Variants in FSTL5 observed in about 807,000 individuals in gnomAD.
The protein encoded by FSTL5 is follistatin-related protein 5.
A neutral mutation model predicts 89.1 loss-of-function variants in FSTL5; 62 were observed. That is an observed-to-expected ratio of 0.70 (90% CI 0.57 to 0.86). The LOEUF (loss-of-function observed/expected upper bound fraction) is 0.86. Among genes scored for constraint, FSTL5 ranks in the 40% least tolerant of loss-of-function variants. FSTL5 has a pLI of 0.00. For missense variants in FSTL5, 1,057 were observed against 1,001.6 expected (o/e 1.06, Z -0.75); for synonymous variants, 383 against 346.2 (o/e 1.11, Z -1.18).
chr4:161,524,616 T>C (rs977764596), intron 10 of FSTL5, among the ~76,000 whole-genome samples: 8 of 152,176 alleles, frequency 5.3e-5, no homozygotes, highest in Non-Finnish European at 1.5e-5. Flanking sequence ...GTATTGTAAA[T>C]ATTTTTTATG....
At chr4:161,688,860 T>C (rs1193043745) in intron 6 of FSTL5, among the ~76,000 whole-genome samples, 4 of 152,182 alleles carry the variant, frequency 2.6e-5, no homozygotes, top group African/African-American at 9.6e-5. Context: ...TCCTTTTTAA[T>C]TGGAATTTTA....
At chr4:161,415,295 G>A (rs532224744) in intron 15 of FSTL5, among the ~76,000 whole-genome samples, 3 of 151,866 alleles carry the variant, frequency 2.0e-5, no homozygotes, top group Non-Finnish European at 4.4e-5. Flanking sequence ...TCACTCTGTC[G>A]CCCAGGCTGG....
chr4:162,043,009 G>A (rs1249822241), intron 2 of FSTL5, among the ~76,000 whole-genome samples: 1 of 151,314 alleles, frequency 6.6e-6, no homozygotes, highest in East Asian at 2.0e-4. Flanking sequence ...TGACGAGTTA[G>A]TGGGTGCAGC....
At chr4:162,065,423 A>G (rs1242553125) in intron 2 of FSTL5, among the ~76,000 whole-genome samples, 1 of 152,066 alleles carries the variant, frequency 6.6e-6, no homozygotes, top group Non-Finnish European at 1.5e-5. Context: ...TCCAATAAAA[A>G]CATACAAATA....
At chr4:161,599,356 T>C (rs931491012) in intron 7 of FSTL5, among the ~76,000 whole-genome samples, 5 of 152,152 alleles carry the variant, frequency 3.3e-5, no homozygotes, top group African/African-American at 1.2e-4. Context: ...AAATTGTAAA[T>C]TGGCAAAACC....
At chr4:161,726,764 C>A (rs1055623212) in intron 6 of FSTL5, among the ~76,000 whole-genome samples, 10 of 151,956 alleles carry the variant, frequency 6.6e-5, no homozygotes, top group Non-Finnish European at 1.5e-4. Context: ...AACAACTTTA[C>A]TAACTATATA....
chr4:161,487,649 G>A (rs1729725115), intron 12 of FSTL5, among the ~76,000 whole-genome samples: 1 of 151,936 alleles, frequency 6.6e-6, no homozygotes, highest in Admixed American at 6.6e-5. Context: ...AGTTTAGGAA[G>A]CACTGATTTC....
chr4:161,664,093 C>T (rs1736806238), intron 6 of FSTL5, among the ~76,000 whole-genome samples: 1 of 152,200 alleles, frequency 6.6e-6, no homozygotes, highest in Non-Finnish European at 1.5e-5. Flanking sequence ...ACCACCTGTT[C>T]CTCCTGGGCC....
intron 8 of FSTL5, among the ~76,000 whole-genome samples, chr4:161,575,117 CA>C (rs1733164257): frequency 6.6e-6 from 1 of 152,046 alleles, no homozygotes; most frequent in African/African-American, 2.4e-5. Context: ...AAATTTTTTT[CA>C]AAGGTTTTTT....
intron 4 of FSTL5, among the ~76,000 whole-genome samples, chr4:161,809,727 C>T (rs1730081869): frequency 1.3e-5 from 2 of 152,200 alleles, no homozygotes; most frequent in Admixed American, 1.3e-4. Context: ...AATATCCATT[C>T]ACAAAAGAAT....
At chr4:161,996,517 C>T (rs547119475) in intron 3 of FSTL5, among the ~76,000 whole-genome samples, 66 of 152,318 alleles carry the variant, frequency 4.3e-4, no homozygotes, top group African/African-American at 1.6e-3. Flanking sequence ...TCACAAGTTC[C>T]CCTTGCCCGT....
intron 3 of FSTL5, chr4:162,022,771 T>C (rs1167450364): frequency 6.6e-6 from 1 of 152,068 alleles, no homozygotes; most frequent in East Asian, 1.9e-4. Flanking sequence ...AGGCACAAGA[T>C]TAAGAGGTGG....
intron 4 of FSTL5, among the ~76,000 whole-genome samples, chr4:161,795,725 A>G (rs1318080997): frequency 2.0e-5 from 3 of 151,928 alleles, no homozygotes; most frequent in African/African-American, 4.8e-5. Context: ...TTCTTTCTCC[A>G]TTGTGTTGTG....
intron 13 of FSTL5, among the ~76,000 whole-genome samples, chr4:161,478,707 G>A (rs886788674): frequency 2.6e-5 from 4 of 151,928 alleles, no homozygotes; most frequent in Admixed American, 1.3e-4. Flanking sequence ...ACAGAGGCAT[G>A]TGTATATTTA....
At chr4:161,560,312 A>G (rs1039074297) in intron 8 of FSTL5, among the ~76,000 whole-genome samples, 1 of 151,938 alleles carries the variant, frequency 6.6e-6, no homozygotes, top group African/African-American at 2.4e-5. Flanking sequence ...TGAGTCAGTG[A>G]GTATGTGGTG....
intron 12 of FSTL5, among the ~76,000 whole-genome samples, chr4:161,491,093 TC>T (rs1181964023): frequency 6.6e-6 from 1 of 151,906 alleles, no homozygotes; most frequent in African/African-American, 2.4e-5. Flanking sequence ...ATATTACATT[TC>T]ATCTGGGCTC....
At chr4:161,591,624 CAT>C (rs1439411390) in intron 7 of FSTL5, among the ~76,000 whole-genome samples, 2 of 152,112 alleles carry the variant, frequency 1.3e-5, no homozygotes, top group African/African-American at 2.4e-5. Context: ...GAATAATTGA[CAT>C]ATTTTTATGA....
intron 1 of FSTL5, among the ~76,000 whole-genome samples, chr4:162,129,252 G>A (rs1732204264): frequency 6.6e-6 from 1 of 151,866 alleles, no homozygotes; most frequent in African/African-American, 2.4e-5. Flanking sequence ...TATTTTTATG[G>A]TTAATTAACT....
chr4:161,922,404 C>T lies in FSTL5; in HGVS notation c.161-1752G>A, dbSNP rs112204435. Among the ~76,000 whole-genome samples the T allele has an allele frequency of 4.6e-3, 704 of 151,916 alleles. 5 individuals carry two copies. The highest frequency in any genetic ancestry group is 0.016 in the African/African-American group (656 of 41,458). ...CTTATGTAACCAACCTGTATATGTA[C>T]CCCTGAAATTAAAATTTAAAAAACT... On this transcript the variant is annotated intron_variant, in intron 3 of 15. Transcript: ENST00000306100.
Sources: allele counts gnomAD v4.1 joint callset (sites outside exome capture counted in the v4.1 genomes callset), GRCh38; gene constraint gnomAD v4.1.1; transcripts MANE v1.5; gene names NCBI Gene and HGNC (gene_info 2026-07-23, HGNC 2026-07-21).